Variants in MUSK observed in about 807,000 individuals in gnomAD.
MUSK encodes the protein muscle, skeletal receptor tyrosine-protein kinase.
In MUSK, 55 loss-of-function variants were observed where a neutral mutation model predicts 88.7. The observed-to-expected ratio is 0.62, with a 90% CI of 0.50 to 0.78. The LOEUF (loss-of-function observed/expected upper bound fraction) is 0.78, where lower values mean the gene tolerates loss of function less well. Ranked by LOEUF, MUSK falls within the 30% of genes least tolerant of loss-of-function variation. The pLI is 0.00. For missense variants in MUSK, 1,015 were observed against 1,074.3 expected (o/e 0.94, Z 0.77); for synonymous variants, 387 against 391.9 (o/e 0.99, Z 0.15).
chr9:110,729,366 G>A (rs2076935402), intron 5 of MUSK, among the ~76,000 whole-genome samples: 1 of 142,586 alleles, frequency 7.0e-6, no homozygotes, highest in Admixed American at 7.0e-5. Context: ...AAAAAAAAAG[G>A]TACCTTGCAT....
chr9:110,679,231 T>C (rs890815052), intron 1 of MUSK, among the ~76,000 whole-genome samples: 5 of 152,100 alleles, frequency 3.3e-5, no homozygotes, highest in African/African-American at 1.2e-4. Context: ...ACTCTTGTGA[T>C]AATTTTACTT....
intron 9 of MUSK, among the ~76,000 whole-genome samples, chr9:110,768,929 A>G (rs1262281722): frequency 6.6e-6 from 1 of 152,202 alleles, no homozygotes. Context: ...TTTATGTTCA[A>G]TAGAATTATC....
chr9:110,698,884 C>T (rs186846990), intron 5 of MUSK, among the ~76,000 whole-genome samples: 169 of 152,216 alleles, frequency 1.1e-3, no homozygotes, highest in African/African-American at 3.9e-3. Context: ...TTCAGACTCA[C>T]TGAATATCTG....
chr9:110,695,935 T>G (rs967881984), intron 4 of MUSK, among the ~76,000 whole-genome samples: 5 of 151,842 alleles, frequency 3.3e-5, no homozygotes, highest in African/African-American at 1.2e-4. Flanking sequence ...AGAAAAGAAA[T>G]GAGATCTCTG....
chr9:110,741,770 C>A (rs1029444801), intron 6 of MUSK, among the ~76,000 whole-genome samples: 12 of 152,108 alleles, frequency 7.9e-5, no homozygotes, highest in African/African-American at 2.9e-4. Flanking sequence ...AATGAACGTG[C>A]TTTTCCAGCT....
intron 5 of MUSK, among the ~76,000 whole-genome samples, chr9:110,730,692 A>C (rs767700833): frequency 5.3e-5 from 8 of 152,052 alleles, no homozygotes; most frequent in Admixed American, 1.3e-4. Flanking sequence ...AATGCTTGAA[A>C]AACATGTCAA....
rs886081117 is a variant in MUSK, at chr9:110,675,713, G to A, written c.79+6730G>A. Reference sequence around the variant, plus strand: ...GCCTCCCGAGTAGCTGGGATTACAGGCCTGCACCACCACACCCAGCTAATT... The same window carrying A: ...GCCTCCCGAGTAGCTGGGATTACAGACCTGCACCACCACACCCAGCTAATT... On this transcript the variant is annotated intron_variant, in intron 1 of 14. Coordinates refer to ENST00000374448, the MANE Select transcript of MUSK (RefSeq NM_005592.4). Among the ~76,000 whole-genome samples the A allele has an allele frequency of 4.0e-5, 6 of 151,102 alleles. No homozygotes were observed. The East Asian group carries it at 1.2e-3, about 30-fold the overall frequency.
chr9:110,781,572 A>G (rs774955892), intron 11 of MUSK, among the ~76,000 whole-genome samples: 3 of 152,290 alleles, frequency 2.0e-5, no homozygotes, highest in Middle Eastern at 6.8e-3. Flanking sequence ...TACTGCTCCC[A>G]GCCCACACCT....
intron 5 of MUSK, among the ~76,000 whole-genome samples, chr9:110,717,612 A>G (rs2076760909): frequency 6.7e-6 from 1 of 150,076 alleles, no homozygotes; most frequent in Non-Finnish European, 1.5e-5. Context: ...TTTCTGAAAC[A>G]TATTATTCAT....
chr9:110,772,324 A>T (rs1301271264), intron 9 of MUSK, among the ~76,000 whole-genome samples: 1 of 151,710 alleles, frequency 6.6e-6, no homozygotes, highest in Non-Finnish European at 1.5e-5. Flanking sequence ...AAAGAAAAAA[A>T]TCCCTTTCAT....
intron 8 of MUSK, among the ~76,000 whole-genome samples, chr9:110,766,299 T>C (rs1016961359): frequency 1.3e-5 from 2 of 152,122 alleles, no homozygotes; most frequent in Admixed American, 1.3e-4. Flanking sequence ...CCTTGGGGTG[T>C]CGTTTACTGA....
intron 1 of MUSK, among the ~76,000 whole-genome samples, chr9:110,677,622 G>A (rs1031296680): frequency 6.6e-6 from 1 of 152,090 alleles, no homozygotes; most frequent in East Asian, 1.9e-4. Context: ...AGGCTTTCAC[G>A]GGTACCGTTT....
chr9:110,738,045 T>A (rs2077050721), intron 6 of MUSK, among the ~76,000 whole-genome samples: 1 of 152,170 alleles, frequency 6.6e-6, no homozygotes, highest in African/African-American at 2.4e-5. Flanking sequence ...GCCCCTGCTA[T>A]CTGAAGTTTG....
At chr9:110,747,607 G>A (rs1375329574) in intron 6 of MUSK, 34 bp from the exon 7 acceptor site, 1 of 1,586,322 alleles carries the variant, frequency 6.3e-7, no homozygotes, top group Non-Finnish European at 8.6e-7. Flanking sequence ...GGAAATCCTT[G>A]ACTGAGTTCT....
chr9:110,776,804 G>A (rs2077678312), intron 11 of MUSK, 149 bp downstream of exon 11: 6 of 660,426 alleles, frequency 9.1e-6, no homozygotes, highest in African/African-American at 3.7e-5. Flanking sequence ...GGTATAACAT[G>A]AGGGAAAATC....
intron 14 of MUSK, among the ~76,000 whole-genome samples, chr9:110,791,067 A>AG (rs2077966505): frequency 6.6e-6 from 1 of 151,966 alleles, no homozygotes; most frequent in Admixed American, 6.5e-5. Context: ...GATCATTAAA[A>AG]GGGGGTAGGA....
At chr9:110,676,842 T>C (rs1238160594) in intron 1 of MUSK, among the ~76,000 whole-genome samples, 1 of 152,198 alleles carries the variant, frequency 6.6e-6, no homozygotes. Context: ...CTATTGTGAA[T>C]AGTGCTGCAG....
intron 6 of MUSK, among the ~76,000 whole-genome samples, chr9:110,739,401 T>A (rs1041361076): frequency 3.3e-5 from 5 of 151,960 alleles, no homozygotes; most frequent in Admixed American, 2.0e-4. Flanking sequence ...GTGTCCAGAG[T>A]TTTTACTGGA....
intron 1 of MUSK, among the ~76,000 whole-genome samples, chr9:110,670,102 A>AT (rs372802097): frequency 2.0e-5 from 3 of 152,204 alleles, no homozygotes; most frequent in South Asian, 2.1e-4. Flanking sequence ...GATTTCACAG[A>AT]TTTTTTTGTT....
Sources: gnomAD v4.1 joint callset for allele counts (sites outside exome capture counted in the v4.1 genomes callset) on GRCh38, gnomAD v4.1.1 for gene constraint, MANE v1.5 for transcripts, NCBI Gene and HGNC (gene_info 2026-07-23, HGNC 2026-07-21) for gene names.